Variants in SPRED2 observed in about 807,000 individuals in gnomAD.
The protein encoded by SPRED2 is sprouty related EVH1 domain containing 2.
In SPRED2, 47 loss-of-function variants were observed where a neutral mutation model predicts 43.0. The ratio of observed to expected loss-of-function variants is 1.09; its 90% confidence interval spans 0.87 to 1.40. SPRED2 has a LOEUF of 1.40. Among genes scored for constraint, SPRED2 ranks in the 40% most tolerant of loss-of-function variants. The pLI is 0.00. For missense variants in SPRED2, 561 were observed against 586.4 expected (o/e 0.96, Z 0.45); for synonymous variants, 225 against 225.7 (o/e 1.00, Z 0.03).
rs748361833 is a variant in SPRED2, at chr2:65,314,017, C to T, written c.741G>A (p.Ala247=). Residue 247 remains alanine, a synonymous_variant, in exon 6 of 6, where the codon GCG becomes GCA. Coordinates refer to ENST00000356388, the MANE Select transcript of SPRED2 (RefSeq NM_181784.3). ...RGKYPDPSED[A]DSSYVRFAKG... ...TGGCGAAGCGCACGTAGGAGGAGTCCGCGTCCTCCGAGGGGTCCGGGTACT... is the reference window on the plus strand; with the variant it reads ...TGGCGAAGCGCACGTAGGAGGAGTCTGCGTCCTCCGAGGGGTCCGGGTACT... 49 of 1,614,016 alleles carry T rather than the reference C, an allele frequency of 3.0e-5. No homozygotes were observed. The highest frequency in any genetic ancestry group is 4.0e-5 in the Non-Finnish European group (47 of 1,180,018).
chr2:65,411,561 G>T (rs570177329), intron 1 of SPRED2, among the ~76,000 whole-genome samples: 1 of 152,250 alleles, frequency 6.6e-6, no homozygotes, highest in African/African-American at 2.4e-5. Context: ...CAAAAGTGAG[G>T]GATGGAATGT....
At chr2:65,310,711 G>A, downstream of SPRED2, 1 of 219,574 alleles carries the variant, frequency 4.6e-6, no homozygotes, top group Non-Finnish European at 7.7e-6. Flanking sequence ...AGGAGGAAAG[G>A]GCCTTGAAAA....
rs933534678 is a variant in SPRED2 at position 65,345,746 on chromosome 2, C to T, written c.27-850G>A. Among the ~76,000 whole-genome samples the T allele has an allele frequency of 3.9e-5, 6 of 152,278 alleles. No individual in the cohort carries two copies. In the East Asian group the frequency reaches 1.2e-3, roughly 29 times the overall value. The stretch of plus-strand genomic sequence containing the variant: ...TAGGAAAATATTTCAATTCCAATAA[C>T]CCTTTACATATTTGTAGACTTCTGT... On this transcript the variant is annotated intron_variant, in intron 1 of 5. Transcript: ENST00000356388.
chr2:65,329,636 T>C (rs999800761), intron 4 of SPRED2, among the ~76,000 whole-genome samples: 1 of 152,132 alleles, frequency 6.6e-6, no homozygotes, highest in Admixed American at 6.6e-5. Flanking sequence ...GCTTCCATCA[T>C]CCCTTTCCCT....
At chr2:65,331,810 G>A (rs971747122) in intron 4 of SPRED2, among the ~76,000 whole-genome samples, 177 bp downstream of exon 4, 1 of 152,218 alleles carries the variant, frequency 6.6e-6, no homozygotes, top group Non-Finnish European at 1.5e-5. Flanking sequence ...ACTGCAGCGT[G>A]AGCAACAGGG....
At chr2:65,314,560 C>T (rs2104108769) in intron 5 of SPRED2, among the ~76,000 whole-genome samples, 1 of 152,338 alleles carries the variant, frequency 6.6e-6, no homozygotes, top group South Asian at 2.1e-4. Context: ...AGAGTATCTT[C>T]CGCCTCCCTC....
intron 4 of SPRED2, among the ~76,000 whole-genome samples, chr2:65,319,515 T>C (rs1673348587): frequency 6.6e-6 from 1 of 152,220 alleles, no homozygotes; most frequent in Non-Finnish European, 1.5e-5. Context: ...GTCCCAATGA[T>C]GACACCAATT....
chr2:65,337,277 A>T (rs1036771509), intron 2 of SPRED2, among the ~76,000 whole-genome samples: 3 of 152,210 alleles, frequency 2.0e-5, no homozygotes, highest in Admixed American at 1.3e-4. Flanking sequence ...CAACAGATAT[A>T]AACTCTCTGG....
chr2:65,342,912 A>G (rs1316417033), intron 2 of SPRED2, among the ~76,000 whole-genome samples: 1 of 152,206 alleles, frequency 6.6e-6, no homozygotes, highest in Non-Finnish European at 1.5e-5. Flanking sequence ...CAGGAGTTGG[A>G]GGCCAGCCTG....
In SPRED2 at chr2:65,312,137, A is replaced by G; in HGVS notation, c.*1364T>C. 1 of 985,538 alleles carries G rather than the reference A, an allele frequency of 1.0e-6. No homozygotes were observed. The highest frequency in any genetic ancestry group is 1.1e-4 in the East Asian group (1 of 8,812). 61.0% of individuals were successfully genotyped at this position (985,538 alleles called of 1,614,324 possible). A position where few individuals can be genotyped will look rare whatever the true frequency, so the allele number is the denominator to read the frequency against. On this transcript the variant is annotated 3_prime_UTR_variant, in exon 6 of 6. Coordinates refer to ENST00000356388, the MANE Select transcript of SPRED2 (RefSeq NM_181784.3). ...CTAATCCTTGCAACGTATTAGAAAA[A>G]TACTCTTTTCCAGCTAATTAGAAGC...
rs576561091 is a variant in SPRED2, at chr2:65,312,326, G to A, written c.*1175C>T. 2 of 985,356 alleles carry A rather than the reference G, an allele frequency of 2.0e-6. No homozygotes were observed. Among genetic ancestry groups the A allele is most frequent in the East Asian group, 1.1e-4 (1 of 8,808 alleles). 61.0% of individuals were successfully genotyped at this position (985,356 alleles called of 1,614,324 possible). A position where few individuals can be genotyped will look rare whatever the true frequency, so the allele number is the denominator to read the frequency against. ...TTCCCCAAGTATAAATGAGGAATTT[G>A]GTGATGTGAAATTGAGTCCAAAATG... On this transcript the variant is annotated 3_prime_UTR_variant, in exon 6 of 6. Transcript: ENST00000356388.
chr2:65,314,305 G>T (rs1673173857), intron 5 of SPRED2, 136 bp from the exon 6 acceptor site: 1 of 803,790 alleles, frequency 1.2e-6, no homozygotes, highest in Non-Finnish European at 1.9e-6. Context: ...GCTCCGTGAA[G>T]AAACAGACCC....
chr2:65,385,179 C>T (rs1392376121), intron 1 of SPRED2, among the ~76,000 whole-genome samples: 1 of 152,038 alleles, frequency 6.6e-6, no homozygotes, highest in Non-Finnish European at 1.5e-5. Flanking sequence ...ACCATGTTTG[C>T]CAGGCTGGTC....
At chr2:65,375,711 T>C (rs144285494) in intron 1 of SPRED2, among the ~76,000 whole-genome samples, 7 of 152,358 alleles carry the variant, frequency 4.6e-5, no homozygotes, top group Admixed American at 1.3e-4. Flanking sequence ...CCAAGTGTCC[T>C]TGAATTTCAT....
intron 5 of SPRED2, among the ~76,000 whole-genome samples, chr2:65,315,003 T>G (rs1673193892): frequency 6.6e-6 from 1 of 152,212 alleles, no homozygotes; most frequent in South Asian, 2.1e-4. Context: ...AGCTGCATTC[T>G]CCCTCAGGGT....
chr2:65,378,035 G>C, intron 1 of SPRED2: 1 of 214,738 alleles, frequency 4.7e-6, no homozygotes, highest in Non-Finnish European at 9.6e-6. Context: ...CACCAGAAGG[G>C]CTAAGGAAGG....
At chr2:65,391,290 C>T (rs1255504975) in intron 1 of SPRED2, among the ~76,000 whole-genome samples, 4 of 151,646 alleles carry the variant, frequency 2.6e-5, no homozygotes, top group East Asian at 1.9e-4. Context: ...ACCAGGCCAA[C>T]GGGAACAGGT....
At chr2:65,330,906 G>A (rs912804287) in intron 4 of SPRED2, among the ~76,000 whole-genome samples, 1 of 152,140 alleles carries the variant, frequency 6.6e-6, no homozygotes, top group African/African-American at 2.4e-5. Context: ...AATGTTAGGT[G>A]TACGGTATGC....
chr2:65,315,760 G>A (rs1375221026), intron 5 of SPRED2, among the ~76,000 whole-genome samples: 2 of 152,210 alleles, frequency 1.3e-5, no homozygotes, highest in South Asian at 2.1e-4. Flanking sequence ...CTGGGTTCAC[G>A]CCATTGTCCT....
Sources: gnomAD v4.1 joint callset for allele counts (sites outside exome capture counted in the v4.1 genomes callset) on GRCh38, gnomAD v4.1.1 for gene constraint, MANE v1.5 for transcripts, NCBI Gene and HGNC (gene_info 2026-07-23, HGNC 2026-07-21) for gene names.